Variants in ATP13A1 observed in about 807,000 individuals in gnomAD.
ATP13A1 encodes the protein ATPase 13A1.
ATP13A1 carries 55 observed loss-of-function variants against 134.8 expected under a neutral mutation model. That is an observed-to-expected ratio of 0.41 (90% CI 0.33 to 0.51). The LOEUF (loss-of-function observed/expected upper bound fraction) is 0.51, where lower values mean the gene tolerates loss of function less well. Among genes scored for constraint, ATP13A1 ranks in the 20% least tolerant of loss-of-function variants. The pLI is 0.29. For synonymous variants in ATP13A1, 775 were observed against 725.1 expected, an observed-to-expected ratio of 1.07 and a Z score of -1.10; for missense variants, 1,389 against 1,652.8, an observed-to-expected ratio of 0.84 and a Z score of 2.77.
In ATP13A1 at chr19:19,647,988, G is replaced by A. The variant is rs182210635; in HGVS notation, c.2633-229C>T. 6.2e-4 allele frequency among the ~76,000 whole-genome samples: 94 copies of A among 152,208 alleles called. 1 individual carries two copies. The highest frequency in any genetic ancestry group is 2.0e-3 in the African/African-American group (83 of 41,538). On this transcript the variant is annotated intron_variant, in intron 19 of 25. Transcript: ENST00000357324. The surrounding 1 kb of genome is among the most constrained non-coding windows in gnomAD (Gnocchi z 4.8). ...CCAACAATAAACCCCCACAACAAAT[G>A]CAATGAAAAAACACACAACACGAGA...
chr19:19,652,863 G>A, intron 15 of ATP13A1, 143 bp from the exon 16 acceptor site: 1 of 1,220,572 alleles, frequency 8.2e-7, no homozygotes, highest in Non-Finnish European at 1.1e-6. Flanking sequence ...GGGTTGGGAG[G>A]GGAGAAATGC....
rs546579914 is a variant in ATP13A1, at chr19:19,656,966, C to G, written c.906+28G>C. ...CAGAAGCCGCACCTGTGCTGCACCC[C>G]CAACCTGGGTCTCCCTGGCAGCCAC... is the stretch of plus-strand genomic sequence containing the variant. On this transcript the variant is annotated intron_variant, in intron 5 of 25. Transcript: ENST00000357324. This position sits in a 1 kb window ranked among gnomAD's most constrained non-coding sequence, Gnocchi z 4.6. The G allele has an allele frequency of 6.2e-7, 1 of 1,604,126 alleles. No homozygotes were observed. Among genetic ancestry groups the G allele is most frequent in the African/African-American group, 1.3e-5 (1 of 74,662 alleles).
rs2061994061 is a variant in ATP13A1, at chr19:19,647,563, A to G, written c.2794-35T>C. 4 of 1,612,530 alleles carry G rather than the reference A, an allele frequency of 2.5e-6. No homozygotes were observed. The South Asian group carries it at 4.4e-5, about 18-fold the overall frequency. ...AGACAGCAGGCTGTCAGCCCTGGCC[A>G]GGATGGGGTGCAGCACCTCCCCTCT... On this transcript the variant is annotated intron_variant, in intron 20 of 25. Coordinates refer to ENST00000357324, the MANE Select transcript of ATP13A1 (RefSeq NM_020410.3). This position sits in a 1 kb window ranked among gnomAD's most constrained non-coding sequence, Gnocchi z 4.8.
At position 19,655,415 on chromosome 19, in the gene ATP13A1, G is replaced by A; in HGVS notation, c.1435C>T (p.Leu479=). The A allele has an allele frequency of 6.2e-7, 1 of 1,614,000 alleles. No individual in the cohort carries two copies. The highest frequency in any genetic ancestry group is 8.5e-7 in the Non-Finnish European group (1 of 1,179,882). ...GAGGTGAGGATCAGGGTGCACTCCA[G>A]AAACAGCTTGTAGCGGTTCCGGCTG... The part of the protein sequence containing the change: ...DPSRNRYKLF[L]ECTLILTSVV... The change falls in exon 11 of 26, where the codon CTG becomes TTG. Residue 479 remains leucine (L), a synonymous_variant. Transcript: ENST00000357324. This position sits in a 1 kb window ranked among gnomAD's most constrained non-coding sequence, Gnocchi z 5.7.
chr19:19,652,869 A>G, intron 15 of ATP13A1, 149 bp from the exon 16 acceptor site: 1 of 1,175,478 alleles, frequency 8.5e-7, no homozygotes, highest in East Asian at 2.6e-5. Context: ...GGAGGGGAGA[A>G]ATGCCAGGAG....
rs142018186 is a variant in ATP13A1, at chr19:19,656,065, G to C, written c.1202C>G (p.Thr401Arg). 2 of 1,613,528 alleles carry C rather than the reference G, an allele frequency of 1.2e-6. No individual in the cohort carries two copies. Among genetic ancestry groups the C allele is most frequent in the East Asian group, 2.2e-5 (1 of 44,856 alleles). ...VQHIPPQKAT[T>R]GLKPVDSGCV... is the part of the protein sequence containing the mutation. ...CATGAGGCACCTACGCTTCAGGCCC[G>C]TGGTGGCTTTCTGTGGGGGGATGTG... is the stretch of plus-strand genomic sequence containing the variant. Residue 401 changes from threonine to arginine, a missense_variant, in exon 8 of 26, where the codon ACG (threonine) becomes AGG (arginine). By Grantham distance (71) the Thr-to-Arg change is moderately conservative. Coordinates refer to ENST00000357324, the MANE Select transcript of ATP13A1 (RefSeq NM_020410.3). The surrounding 1 kb of genome is among the most constrained non-coding windows in gnomAD (Gnocchi z 4.6).
chr19:19,647,299 A>T lies in ATP13A1; in HGVS notation c.2935T>A (p.Cys979Ser). The change falls in exon 22 of 26, where the codon TGC becomes AGC. Residue 979 changes from cysteine to serine, a missense_variant. Physicochemically the swap from Cys to Ser is moderately radical, Grantham distance 112 (BLOSUM62 -1). Transcript: ENST00000357324. The surrounding 1 kb of genome is among the most constrained non-coding windows in gnomAD (Gnocchi z 4.8). ...ATCTGTAGCGTGGTCACCAGCGTGC[A>T]GCGGCCCTGCTTGATCACGTGGCAG... ...CICHVIKQGR[C>S]TLVTTLQMFK... The T allele has an allele frequency of 6.2e-7, 1 of 1,612,266 alleles. No individual in the cohort carries two copies. Among genetic ancestry groups the T allele is most frequent in the Non-Finnish European group, 8.5e-7 (1 of 1,179,624 alleles).
chr19:19,654,809 G>C (rs1210167792), intron 12 of ATP13A1, 109 bp from the exon 13 acceptor site: 1 of 1,344,568 alleles, frequency 7.4e-7, no homozygotes, highest in African/African-American at 1.5e-5. Context: ...TTGTCACTGG[G>C]GTGGCTTGGG....
chr19:19,655,870 C>T lies in ATP13A1; in HGVS notation c.1269+8G>A. 1.3e-6 allele frequency: 2 copies of T among 1,578,172 alleles called. No individual in the cohort carries two copies. The highest frequency in any genetic ancestry group is 2.3e-5 in the East Asian group (1 of 43,516). On this transcript the variant is annotated splice_region_variant and intron_variant, in intron 9 of 25. Coordinates refer to ENST00000357324, the MANE Select transcript of ATP13A1 (RefSeq NM_020410.3). This position sits in a 1 kb window ranked among gnomAD's most constrained non-coding sequence, Gnocchi z 5.7. ...TGGGGCCCGCCCTCCCCAGACCTGG[C>T]CCCGCACCTGGGATGTGTTGAATCC...
At chr19:19,657,512 A>C in intron 3 of ATP13A1, 104 bp from the exon 4 acceptor site, 1 of 1,189,362 alleles carries the variant, frequency 8.4e-7, no homozygotes, top group African/African-American at 1.6e-5. Context: ...GCTCTCAAGA[A>C]ACCAAGAGCC....
At position 19,647,513 on chromosome 19, in the gene ATP13A1, C is replaced by T; in HGVS notation, c.2809G>A (p.Val937Met). The change falls in exon 21 of 26, where the codon GTG (valine) becomes ATG (methionine). Residue 937 changes from valine (V) to methionine (M), a missense_variant. Physicochemically the swap from Val to Met is conservative, Grantham distance 21 (BLOSUM62 1). This residue lies in a region of ATP13A1 where 121 missense variants were observed against 104.9 expected (regional missense o/e 1.15). Coordinates refer to ENST00000357324, the MANE Select transcript of ATP13A1 (RefSeq NM_020410.3). This position sits in a 1 kb window ranked among gnomAD's most constrained non-coding sequence, Gnocchi z 4.8. ...PTSQRDRLSQ[V>M]LRDLEDESTP... ...CTCTCGTCCTCGAGGTCTCGCAGCACCTGGCTCAGGCGGTCCTGCAGGGTA... is the reference window on the plus strand; with the variant it reads ...CTCTCGTCCTCGAGGTCTCGCAGCATCTGGCTCAGGCGGTCCTGCAGGGTA... 1 of 1,613,034 alleles carries T rather than the reference C, an allele frequency of 6.2e-7. No homozygotes were observed. Among genetic ancestry groups the T allele is most frequent in the African/African-American group, 1.3e-5 (1 of 75,028 alleles).
intron 3 of ATP13A1, 39 bp from the exon 4 acceptor site, chr19:19,657,447 G>A (rs901919745): frequency 3.9e-6 from 6 of 1,541,482 alleles, no homozygotes; most frequent in Middle Eastern, 3.4e-4. Flanking sequence ...CCAGGGCAAG[G>A]CCTCTGGGGT....
Position 19,647,856 on chromosome 19 carries a change from C to G in ATP13A1, c.2633-97G>C. The G allele has an allele frequency of 7.0e-7, 1 of 1,437,240 alleles. No homozygotes were observed. The highest frequency in any genetic ancestry group is 9.3e-7 in the Non-Finnish European group (1 of 1,080,350). 89.0% of individuals were successfully genotyped at this position (1,437,240 alleles called of 1,614,324 possible). Reference sequence around the variant, plus strand: ...ACTGGTCCTGAAGTCCCCCAGCTGGCTCCCGTGAGGACAGTTCCCAGACTT... The same window carrying G: ...ACTGGTCCTGAAGTCCCCCAGCTGGGTCCCGTGAGGACAGTTCCCAGACTT... On this transcript the variant is annotated intron_variant, in intron 19 of 25. Transcript: ENST00000357324. This position sits in a 1 kb window ranked among gnomAD's most constrained non-coding sequence, Gnocchi z 4.8.
intron 15 of ATP13A1, 199 bp from the exon 16 acceptor site, chr19:19,652,919 T>TG (rs2062034030): frequency 4.4e-6 from 3 of 686,446 alleles, no homozygotes; most frequent in South Asian, 4.0e-5. Context: ...TGGCAGTGAC[T>TG]GGGGGGTCTG....
chr19:19,663,638 G>C lies in ATP13A1; in HGVS notation c.29C>G (p.Ala10Gly). Residue 10 changes from alanine to glycine, a missense_variant, in exon 1 of 26, where the codon GCG becomes GGG. Coordinates refer to ENST00000357324, the MANE Select transcript of ATP13A1 (RefSeq NM_020410.3). Reference protein sequence around the residue: MAAAAAVGNAVPCGARPCGV... With the variant: MAAAAAVGNGVPCGARPCGV... The stretch of plus-strand genomic sequence containing the variant: ...GCAAGGCCGGGCCCCGCAGGGCACC[G>C]CGTTGCCCACCGCCGCCGCTGCCGC... The C allele has an allele frequency of 7.6e-7, 1 of 1,307,632 alleles. No homozygotes were observed. The highest frequency in any genetic ancestry group is 9.7e-7 in the Non-Finnish European group (1 of 1,030,538). 81.0% of individuals were successfully genotyped at this position (1,307,632 alleles called of 1,614,324 possible).
chr19:19,646,538 G>T, intron 22 of ATP13A1, 191 bp from the exon 23 acceptor site: 1 of 678,996 alleles, frequency 1.5e-6, no homozygotes, highest in Non-Finnish European at 2.4e-6. Flanking sequence ...GCCCAGGGCT[G>T]CCTCCCTGGC....
Position 19,649,507 on chromosome 19 carries a change from T to A in ATP13A1, c.2632+60A>T, listed in dbSNP as rs1188114772. 15 of 1,540,810 alleles carry A rather than the reference T, an allele frequency of 9.7e-6. No individual in the cohort carries two copies. In the Admixed American group the frequency reaches 2.8e-4, roughly 29 times the overall value. ...CAAGGGCCAGGTCTGTCTTTCTAGC[T>A]CAGTGACATGTCCTCAACACCTCGT... On this transcript the variant is annotated intron_variant, in intron 19 of 25. Transcript: ENST00000357324.
Position 19,656,231 on chromosome 19 carries a change from C to T in ATP13A1, c.1084-48G>A. 2 of 1,556,106 alleles carry T rather than the reference C, an allele frequency of 1.3e-6. No individual in the cohort carries two copies. The highest frequency in any genetic ancestry group is 1.7e-6 in the Non-Finnish European group (2 of 1,150,174). On this transcript the variant is annotated intron_variant, in intron 7 of 25. Coordinates refer to ENST00000357324, the MANE Select transcript of ATP13A1 (RefSeq NM_020410.3). The surrounding 1 kb of genome is among the most constrained non-coding windows in gnomAD (Gnocchi z 4.6). ...TGGATGGCCAGGCCTACCTTGCTTC[C>T]TTCTCCATCTGAGTTCCTGGACAGC...
Position 19,656,107 on chromosome 19 carries a change from C to T in ATP13A1, c.1160G>A (p.Gly387Asp). 1 of 1,613,624 alleles carries T rather than the reference C, an allele frequency of 6.2e-7. No homozygotes were observed. The highest frequency in any genetic ancestry group is 8.5e-7 in the Non-Finnish European group (1 of 1,179,736). ...ADSRLHVIFG[G>D]TKVVQHIPPQ... is the part of the protein sequence containing the mutation. ...GGGGATGTGCTGCACCACCTTGGTGCCCCCGAAGATGACGTGCAGCCGGGA... is the reference window on the plus strand; with the variant it reads ...GGGGATGTGCTGCACCACCTTGGTGTCCCCGAAGATGACGTGCAGCCGGGA... Residue 387 changes from glycine to aspartate, a missense_variant, in exon 8 of 26, where the codon GGC becomes GAC. Around this residue, in one of 4 missense-constraint regions of ATP13A1, gnomAD observed 747 missense variants for 956.1 expected, o/e 0.78. Coordinates refer to ENST00000357324, the MANE Select transcript of ATP13A1 (RefSeq NM_020410.3). This position sits in a 1 kb window ranked among gnomAD's most constrained non-coding sequence, Gnocchi z 4.6.
Sources: allele counts gnomAD v4.1 joint callset (sites outside exome capture counted in the v4.1 genomes callset), GRCh38; gene constraint gnomAD v4.1.1; regional missense constraint gnomAD v4.1.1; non-coding constraint Gnocchi (gnomAD v3.1); transcripts MANE v1.5; gene names NCBI Gene and HGNC (gene_info 2026-07-23, HGNC 2026-07-21).